ERAP1: variants seen among roughly 807,000 people sequenced by gnomAD.
The protein encoded by ERAP1 is adipocyte-derived leucine aminopeptidase.
In ERAP1, 86 loss-of-function variants were observed where a neutral mutation model predicts 103.7. The ratio of observed to expected loss-of-function variants is 0.83; its 90% CI spans 0.70 to 0.99. The LOEUF (loss-of-function observed/expected upper bound fraction) is 0.99. ERAP1 is among the 50% of genes least tolerant of loss of function. ERAP1 has a pLI of 0.00. For synonymous variants in ERAP1, 398 were observed against 402.4 expected (o/e 0.99, Z 0.13); for missense variants, 1,009 against 1,128.4 (o/e 0.89, Z 1.52).
chr5:96,840,860 C>A, the ERAP1 span, among the ~76,000 whole-genome samples: 13,723 of 152,086 alleles, frequency 0.09, 808 homozygotes, highest in Middle Eastern at 0.16. Context: ...CGCGCACCAC[C>A]ACACCCAGCT....
intron 16 of ERAP1, 21 bp downstream of exon 16, chr5:96,781,672 A>G (rs1372081901): frequency 6.2e-7 from 1 of 1,614,028 alleles, no homozygotes; most frequent in Non-Finnish European, 8.5e-7. Context: ...CCACATGAAC[A>G]TGAATGAATG....
rs200149450 is a variant in ERAP1, at chr5:96,785,747, G to T, written c.1943+41C>A. Reference sequence around the variant, plus strand: ...ATCAAGAATTTGAACAATAACAGCTGCTTTCAGAAATAAACCGCGACTTTG... The same window carrying T: ...ATCAAGAATTTGAACAATAACAGCTTCTTTCAGAAATAAACCGCGACTTTG... On this transcript the variant is annotated intron_variant, in intron 13 of 18. Transcript: ENST00000443439. The T allele has an allele frequency of 2.3e-5, 36 of 1,599,400 alleles. No individual in the cohort carries two copies. The Middle Eastern group carries it at 5.0e-4, about 22-fold the overall frequency.
At chr5:96,843,670 G>T in the ERAP1 span, among the ~76,000 whole-genome samples, 1 of 152,120 alleles carries the variant, frequency 6.6e-6, no homozygotes, top group Non-Finnish European at 1.5e-5. Flanking sequence ...ATGTCCCTGA[G>T]TTGTTTTTCA....
chr5:96,786,390 T>C (rs569362688), intron 12 of ERAP1, 80 bp downstream of exon 12: 89 of 986,184 alleles, frequency 9.0e-5, no homozygotes, highest in Non-Finnish European at 1.3e-4. Context: ...CCAAGATAAA[T>C]AGCAAAAGAA....
chr5:96,884,970 C>A, the ERAP1 span, among the ~76,000 whole-genome samples: 1 of 152,046 alleles, frequency 6.6e-6, no homozygotes, highest in Non-Finnish European at 1.5e-5. Context: ...CTTGAGATTA[C>A]ATCACCATCC....
chr5:96,790,642 C>T lies in ERAP1; in HGVS notation c.1322G>A (p.Gly441Glu), dbSNP rs748941555. ...CCTTAGCATATTCAGAATACAAGCT[C>T]CCTGAAAAGATAATAGAAATAATTG... Reference protein sequence around the residue: ...EMFDDVSYDKGACILNMLREY... With the variant: ...EMFDDVSYDKEACILNMLREY... The change falls in exon 9 of 19, where the codon GGA becomes GAA. Residue 441 changes from glycine to glutamate, a missense_variant and splice_region_variant. This residue lies in a region of ERAP1 where 611 missense variants were observed against 651.7 expected (regional missense o/e 0.94). Transcript: ENST00000443439. 7.5e-6 allele frequency: 12 copies of T among 1,608,036 alleles called. No individual in the cohort carries two copies. In the South Asian group the frequency reaches 1.3e-4, roughly 18 times the overall value.
At chr5:96,863,530 C>T in the ERAP1 span, among the ~76,000 whole-genome samples, 1 of 152,050 alleles carries the variant, frequency 6.6e-6, no homozygotes, top group Non-Finnish European at 1.5e-5. Context: ...TCTTATAATC[C>T]TCCCCCGTGC....
At chr5:96,834,329 A>G in the ERAP1 span, among the ~76,000 whole-genome samples, 1 of 152,110 alleles carries the variant, frequency 6.6e-6, no homozygotes, top group Non-Finnish European at 1.5e-5. Context: ...CCCACTTACT[A>G]TTTGTTAGAG....
At chr5:96,787,574 T>C (rs996486663) in intron 11 of ERAP1, among the ~76,000 whole-genome samples, 14 of 152,154 alleles carry the variant, frequency 9.2e-5, no homozygotes, top group African/African-American at 3.4e-4. Context: ...CCATAAATGT[T>C]GTTTTGTAGA....
chr5:96,912,572 T>C, the ERAP1 span: 1 of 1,296,876 alleles, frequency 7.7e-7, no homozygotes, highest in Non-Finnish European at 1.1e-6. Flanking sequence ...GGACTTAAAA[T>C]TGTCATAAGA....
chr5:96,832,415 G>C, the ERAP1 span, among the ~76,000 whole-genome samples: 1 of 152,160 alleles, frequency 6.6e-6, no homozygotes. Context: ...ACACCAAGTC[G>C]AATATTTTGG....
At chr5:96,874,786 A>G in the ERAP1 span, among the ~76,000 whole-genome samples, 1 of 152,264 alleles carries the variant, frequency 6.6e-6, no homozygotes, top group Non-Finnish European at 1.5e-5. Context: ...AACATGTGCT[A>G]TTGGGCCAAA....
chr5:96,807,898 C>CA lies in ERAP1; in HGVS notation c.-57dup, dbSNP rs1379607319. The CA allele has an allele frequency of 1.5e-5, 15 of 986,260 alleles. No homozygotes were observed. The African/African-American group carries it at 2.4e-4, about 16-fold the overall frequency. 61.1% of individuals were successfully genotyped at this position (986,260 alleles called of 1,614,324 possible). A position where few individuals can be genotyped will look rare whatever the true frequency, so the allele number is the denominator to read the frequency against. ...GCCGCCCTCACCCTTGCGCCGCCGC[C>CA]ACCACCACTGCCGCCGGCCTAGCTC... On this transcript the variant is annotated 5_prime_UTR_variant, in exon 1 of 19. Transcript: ENST00000443439.
the ERAP1 span, among the ~76,000 whole-genome samples, chr5:96,856,365 T>TATAGAGAG: frequency 1.6e-3 from 32 of 20,382 alleles, 2 homozygotes; most frequent in African/African-American, 4.7e-3. Flanking sequence ...TATATATATA[T>TATAGAGAG]AGAGAGAGAG....
intron 11 of ERAP1, among the ~76,000 whole-genome samples, chr5:96,787,050 A>G (rs529805209): frequency 1.4e-4 from 21 of 152,244 alleles, no homozygotes; most frequent in Non-Finnish European, 2.8e-4. Flanking sequence ...TGTTTCAGAA[A>G]AAAATGGAGA....
the ERAP1 span, chr5:96,903,617 C>T: frequency 6.9e-7 from 1 of 1,444,240 alleles, no homozygotes; most frequent in Non-Finnish European, 9.4e-7. Flanking sequence ...ACCAGATATG[C>T]TAGACTTCAA....
the ERAP1 span, among the ~76,000 whole-genome samples, chr5:96,868,675 T>C: frequency 6.6e-6 from 1 of 152,264 alleles, no homozygotes; most frequent in African/African-American, 2.4e-5. Context: ...AAAAGCTTGT[T>C]AAAATACAGA....
upstream of ERAP1, chr5:96,808,184 ATCCGTG>A (rs1415945056): frequency 9.1e-6 from 8 of 882,952 alleles, no homozygotes; most frequent in South Asian, 1.2e-4. Flanking sequence ...CTGAACGCGG[ATCCGTG>A]TGTGTGTGTG....
At chr5:96,827,909 C>A in the ERAP1 span, among the ~76,000 whole-genome samples, 1 of 152,082 alleles carries the variant, frequency 6.6e-6, no homozygotes, top group Non-Finnish European at 1.5e-5. Flanking sequence ...GAAACACTGG[C>A]CATTATTTCT....
Sources: gnomAD v4.1 joint callset for allele counts (sites outside exome capture counted in the v4.1 genomes callset) on GRCh38, gnomAD v4.1.1 for gene constraint, gnomAD v4.1.1 regional missense constraint, MANE v1.5 for transcripts, NCBI Gene and HGNC (gene_info 2026-07-23, HGNC 2026-07-21) for gene names.